Variants in IMMP2L observed in about 807,000 individuals in gnomAD.
IMMP2L encodes mitochondrial inner membrane protease subunit 2.
Under a neutral mutation model 19.3 loss-of-function variants are expected in IMMP2L, and 18 were observed. The ratio of observed to expected loss-of-function variants is 0.93; its 90% CI spans 0.64 to 1.38. The LOEUF (loss-of-function observed/expected upper bound fraction) is 1.38, where lower values mean the gene tolerates loss of function less well. Ranked by LOEUF, IMMP2L falls within the 40% of genes most tolerant of loss-of-function variation. The probability of loss-of-function intolerance (pLI) is 0.00; values close to 1 mark genes in which losing one functional copy is unlikely to be tolerated. For synonymous variants in IMMP2L, 76 were observed against 73.0 expected (o/e 1.04, Z -0.21); for missense variants, 233 against 218.2 (o/e 1.07, Z -0.43).
At chr7:111,326,290 G>A (rs1373585560) in intron 3 of IMMP2L, among the ~76,000 whole-genome samples, 1 of 151,694 alleles carries the variant, frequency 6.6e-6, no homozygotes, top group Non-Finnish European at 1.5e-5. Context: ...AGCAAATAAT[G>A]AATTTGATTA....
chr7:111,262,425 G>GC (rs1392298725), intron 3 of IMMP2L, among the ~76,000 whole-genome samples: 1 of 152,000 alleles, frequency 6.6e-6, no homozygotes, highest in African/African-American at 2.4e-5. Context: ...ATAGAGAAGA[G>GC]CAAGTACAGA....
chr7:111,165,760 T>C (rs948919363), intron 3 of IMMP2L, among the ~76,000 whole-genome samples: 4 of 152,066 alleles, frequency 2.6e-5, no homozygotes, highest in African/African-American at 7.2e-5. Context: ...ATACTCATTC[T>C]GGGTCATCTC....
intron 3 of IMMP2L, among the ~76,000 whole-genome samples, chr7:111,467,663 G>A (rs1840809046): frequency 6.6e-6 from 1 of 152,056 alleles, no homozygotes; most frequent in Non-Finnish European, 1.5e-5. Context: ...TTGAGAAAAG[G>A]ACAAAACATT....
intron 5 of IMMP2L, among the ~76,000 whole-genome samples, chr7:110,772,367 C>T (rs565869617): frequency 5.9e-5 from 9 of 152,240 alleles, no homozygotes; most frequent in Admixed American, 5.9e-4. Context: ...GGAGACTCAG[C>T]TCCTGCCTGC....
At chr7:111,053,428 T>G (rs1793198592) in intron 3 of IMMP2L, among the ~76,000 whole-genome samples, 1 of 152,154 alleles carries the variant, frequency 6.6e-6, no homozygotes. Context: ...CCAGTTAAAC[T>G]CCAACATTTT....
At chr7:111,061,152 T>C (rs900747354) in intron 3 of IMMP2L, among the ~76,000 whole-genome samples, 3 of 152,214 alleles carry the variant, frequency 2.0e-5, no homozygotes, top group South Asian at 2.1e-4. Context: ...GAATATCAGC[T>C]AGTTTTCAAA....
At chr7:111,426,580 A>T (rs1836098442) in intron 3 of IMMP2L, among the ~76,000 whole-genome samples, 1 of 151,202 alleles carries the variant, frequency 6.6e-6, no homozygotes, top group Non-Finnish European at 1.5e-5. Context: ...AAACTGACAA[A>T]GGACAAATAT....
chr7:111,135,668 G>A (rs1802265819), intron 3 of IMMP2L, among the ~76,000 whole-genome samples: 1 of 152,064 alleles, frequency 6.6e-6, no homozygotes, highest in South Asian at 2.1e-4. Context: ...ATTTTTACAT[G>A]TTAATAACTT....
At chr7:111,106,121 C>T (rs549053264) in intron 3 of IMMP2L, among the ~76,000 whole-genome samples, 1 of 152,084 alleles carries the variant, frequency 6.6e-6, no homozygotes, top group East Asian at 1.9e-4. Flanking sequence ...ATAATACCAA[C>T]ATTGGTGCAC....
chr7:110,689,017 C>A (rs1793312492), intron 5 of IMMP2L, among the ~76,000 whole-genome samples: 1 of 149,602 alleles, frequency 6.7e-6, no homozygotes, highest in African/African-American at 2.6e-5. Flanking sequence ...CAGTGATTCT[C>A]AAAGTGTTGT....
chr7:111,348,355 AT>A (rs1213823780), intron 3 of IMMP2L, among the ~76,000 whole-genome samples: 3 of 152,150 alleles, frequency 2.0e-5, no homozygotes, highest in African/African-American at 7.2e-5. Flanking sequence ...TAAAATCTTT[AT>A]ATGAGAAGAT....
In IMMP2L at chr7:111,123,210, T is replaced by C. The variant is rs567710418; in HGVS notation, c.240-159645A>G. 30 of 1,613,978 alleles carry C rather than the reference T, an allele frequency of 1.9e-5. No individual in the cohort carries two copies. Among genetic ancestry groups the C allele is most frequent in the Middle Eastern group, 3.3e-4 (2 of 6,058 alleles). On this transcript the variant is annotated intron_variant, in intron 3 of 5. Transcript: ENST00000405709. This position sits in a 1 kb window ranked among gnomAD's most constrained non-coding sequence, Gnocchi z 6.4. ...AACTGAGCAACTTACAAGAACTCTA[T>C]ATTAATCACAACTTGCTTTCTACAA...
At chr7:111,334,311 T>C (rs1826180827) in intron 3 of IMMP2L, among the ~76,000 whole-genome samples, 1 of 152,004 alleles carries the variant, frequency 6.6e-6, no homozygotes, top group Non-Finnish European at 1.5e-5. Context: ...TGTGAACATG[T>C]TATATTTGCC....
At chr7:111,090,030 G>T (rs569799717) in intron 3 of IMMP2L, among the ~76,000 whole-genome samples, 74 of 151,766 alleles carry the variant, frequency 4.9e-4, no homozygotes, top group Non-Finnish European at 8.7e-4. Flanking sequence ...CTCAAAACTG[G>T]GGTTGGAGTC....
At chr7:111,375,031 G>C (rs769749620) in intron 3 of IMMP2L, among the ~76,000 whole-genome samples, 8 of 151,940 alleles carry the variant, frequency 5.3e-5, no homozygotes, top group African/African-American at 1.9e-4. Flanking sequence ...CCTTCATAGC[G>C]GGGGGTCTTA....
intron 3 of IMMP2L, among the ~76,000 whole-genome samples, chr7:111,335,127 G>A (rs181800273): frequency 3.8e-4 from 58 of 152,094 alleles, no homozygotes; most frequent in African/African-American, 1.3e-3. Context: ...AAGAAGCAGA[G>A]GAGACAGAAA....
intron 3 of IMMP2L, among the ~76,000 whole-genome samples, chr7:111,183,961 T>C (rs1222156754): frequency 6.6e-6 from 1 of 152,208 alleles, no homozygotes; most frequent in East Asian, 1.9e-4. Context: ...CTTGGTCTCA[T>C]TTTCTGCATT....
At chr7:111,354,918 C>T in intron 3 of IMMP2L, among the ~76,000 whole-genome samples, 1 of 151,800 alleles carries the variant, frequency 6.6e-6, no homozygotes, top group Non-Finnish European at 1.5e-5. Context: ...AAAGTTAAAT[C>T]CCTACCCTAT....
chr7:110,895,721 T>C (rs983506971), intron 4 of IMMP2L, among the ~76,000 whole-genome samples: 2 of 152,194 alleles, frequency 1.3e-5, no homozygotes, highest in African/African-American at 2.4e-5. Flanking sequence ...GTGGGACTGA[T>C]AGCATAACTG....
Sources: allele counts gnomAD v4.1 joint callset (sites outside exome capture counted in the v4.1 genomes callset), GRCh38; gene constraint gnomAD v4.1.1; non-coding constraint Gnocchi (gnomAD v3.1); transcripts MANE v1.5; gene names NCBI Gene and HGNC (gene_info 2026-07-23, HGNC 2026-07-21).